Variants in IL1RAP observed in about 807,000 individuals in gnomAD.
IL1RAP encodes the protein interleukin 1 receptor accessory protein.
In IL1RAP, 35 loss-of-function variants were observed where a neutral mutation model predicts 60.7. That is an observed-to-expected ratio of 0.58 (90% CI 0.44 to 0.76). The LOEUF (loss-of-function observed/expected upper bound fraction) is 0.76, where lower values mean the gene tolerates loss of function less well. Among genes scored for constraint, IL1RAP ranks in the 30% least tolerant of loss-of-function variants. IL1RAP has a pLI of 0.00. For synonymous variants in IL1RAP, 268 were observed against 250.9 expected, an observed-to-expected ratio of 1.07 and a Z score of -0.64; for missense variants, 572 against 693.9, an observed-to-expected ratio of 0.82 and a Z score of 1.97.
At chr3:190,632,716 G>A (rs555916922) in intron 9 of IL1RAP, among the ~76,000 whole-genome samples, 1 of 152,250 alleles carries the variant, frequency 6.6e-6, no homozygotes, top group East Asian at 1.9e-4. Flanking sequence ...TTTTCTTCTG[G>A]AAGACTGGTA....
rs1734383016 is a variant in IL1RAP at position 190,651,275 on chromosome 3, A to G, written c.*2570A>G. 2 of 956,406 alleles carry G rather than the reference A, an allele frequency of 2.1e-6. No homozygotes were observed. The highest frequency in any genetic ancestry group is 2.5e-6 in the Non-Finnish European group (2 of 803,602). The allele number at this position is 956,406 out of a possible 1,614,324, so 59.2% of individuals were successfully genotyped here. A position where few individuals can be genotyped will look rare whatever the true frequency, so the allele number is the denominator to read the frequency against. ...GTGTCTAATTACAAAATCATATACG[A>G]TTTATTTAATTCTCTTCTGTATTGT... On this transcript the variant is annotated 3_prime_UTR_variant, in exon 12 of 12. Coordinates refer to ENST00000447382, the MANE Select transcript of IL1RAP (RefSeq NM_002182.4).
intron 9 of IL1RAP, among the ~76,000 whole-genome samples, chr3:190,637,843 T>C (rs549944418): frequency 6.6e-6 from 1 of 151,872 alleles, no homozygotes; most frequent in African/African-American, 2.4e-5. Flanking sequence ...GTTTTTTTTT[T>C]ATATATTCTA....
chr3:190,562,693 TCCACACACACAC>T (rs757690381), intron 2 of IL1RAP, among the ~76,000 whole-genome samples: 3 of 68,016 alleles, frequency 4.4e-5, no homozygotes, highest in Admixed American at 4.0e-4. Flanking sequence ...ACATATCTCG[TCCACACACACAC>T]ACACACACAC....
At chr3:190,559,338 T>A (rs1725690541) in intron 2 of IL1RAP, among the ~76,000 whole-genome samples, 2 of 152,194 alleles carry the variant, frequency 1.3e-5, no homozygotes, top group East Asian at 3.8e-4. Context: ...AACTAACTTT[T>A]GGTTTCTTTA....
In IL1RAP at chr3:190,608,993, A is replaced by G. The variant is rs1186223038; in HGVS notation, c.351-2A>G. 1 of 1,608,408 alleles carries G rather than the reference A, an allele frequency of 6.2e-7. No individual in the cohort carries two copies. The highest frequency in any genetic ancestry group is 1.7e-5 in the Admixed American group (1 of 58,894). On this transcript the variant is annotated splice_acceptor_variant, in intron 4 of 11. Coordinates refer to ENST00000447382, the MANE Select transcript of IL1RAP (RefSeq NM_002182.4). LOFTEE classifies it high-confidence loss of function. ...CCATTCATTGTATATTTCTTTTTTCAGGAACACTACATATTGCAGCAAAGT... is the reference window on the plus strand; with the variant it reads ...CCATTCATTGTATATTTCTTTTTTCGGGAACACTACATATTGCAGCAAAGT...
intron 2 of IL1RAP, among the ~76,000 whole-genome samples, chr3:190,559,787 A>G (rs960971488): frequency 2.0e-5 from 3 of 152,192 alleles, no homozygotes; most frequent in Admixed American, 2.0e-4. Flanking sequence ...ATGATACATG[A>G]TACGGTGTAT....
intron 3 of IL1RAP, among the ~76,000 whole-genome samples, chr3:190,601,182 G>A (rs1369075797): frequency 4.0e-5 from 6 of 151,856 alleles, no homozygotes; most frequent in Admixed American, 6.6e-5. Flanking sequence ...ATGGAGTTTC[G>A]CCATGTTGGC....
downstream of IL1RAP, among the ~76,000 whole-genome samples, chr3:190,654,941 G>T (rs1347160822): frequency 1.3e-5 from 2 of 152,086 alleles, no homozygotes; most frequent in Non-Finnish European, 2.9e-5. Flanking sequence ...CATTAGAATC[G>T]AATGGTTTGC....
chr3:190,554,001 C>T (rs1441869009), intron 1 of IL1RAP, among the ~76,000 whole-genome samples: 1 of 138,490 alleles, frequency 7.2e-6, no homozygotes, highest in Non-Finnish European at 1.5e-5. Context: ...GCGGAGCTTG[C>T]AGTGAGCCGA....
intron 2 of IL1RAP, among the ~76,000 whole-genome samples, chr3:190,562,749 CCA>C (rs1194662755): frequency 2.7e-5 from 4 of 145,928 alleles, no homozygotes; most frequent in Non-Finnish European, 4.5e-5. Flanking sequence ...TGCTACATAA[CCA>C]CACACACACA....
At chr3:190,534,087 T>C (rs1268379427) in intron 1 of IL1RAP, among the ~76,000 whole-genome samples, 2 of 151,912 alleles carry the variant, frequency 1.3e-5, no homozygotes, top group Non-Finnish European at 2.9e-5. Context: ...AAGGAAAGAG[T>C]GTTGCAATGC....
chr3:190,529,381 C>A (rs920271369), intron 1 of IL1RAP, among the ~76,000 whole-genome samples: 3 of 149,086 alleles, frequency 2.0e-5, no homozygotes, highest in African/African-American at 7.3e-5. Flanking sequence ...TGGTGAAACC[C>A]CTTCTCTACT....
intron 1 of IL1RAP, among the ~76,000 whole-genome samples, chr3:190,515,971 T>A (rs987513632): frequency 1.3e-5 from 2 of 152,154 alleles, no homozygotes; most frequent in Admixed American, 6.5e-5. Context: ...ATTGGTATTT[T>A]AAAGTTAAAT....
chr3:190,541,946 A>G (rs999947376), intron 1 of IL1RAP, among the ~76,000 whole-genome samples: 1 of 152,148 alleles, frequency 6.6e-6, no homozygotes, highest in Admixed American at 6.5e-5. Context: ...GAGAAAAACA[A>G]CTTTAAAACC....
At chr3:190,522,617 A>T (rs1341991050) in intron 1 of IL1RAP, among the ~76,000 whole-genome samples, 3 of 149,760 alleles carry the variant, frequency 2.0e-5, no homozygotes, top group South Asian at 2.1e-4. Context: ...TGAATCTCAG[A>T]TGGAGAGGGG....
intron 9 of IL1RAP, among the ~76,000 whole-genome samples, chr3:190,633,797 CTTGA>C (rs755986081): frequency 2.0e-5 from 3 of 152,142 alleles, no homozygotes; most frequent in Non-Finnish European, 4.4e-5. Context: ...TTTCCATATG[CTTGA>C]TTGTGTCACC....
rs184288383 is a variant in IL1RAP, at chr3:190,571,472, C to T, written c.64+7119C>T. Among the ~76,000 whole-genome samples the T allele has an allele frequency of 4.6e-3, 698 of 152,116 alleles. 8 individuals carry two copies. The highest frequency in any genetic ancestry group is 8.0e-3 in the Non-Finnish European group (544 of 68,006). ...TAAAGGCTAAAATGAGCTGTGATCA[C>T]GCCACTGCACTCCAGCCTGGGCGAC... is the stretch of plus-strand genomic sequence containing the variant. On this transcript the variant is annotated intron_variant, in intron 3 of 11. Transcript: ENST00000447382.
At position 190,564,750 on chromosome 3, in the gene IL1RAP, T is replaced by A. The variant is rs533462369; in HGVS notation, c.64+397T>A. On this transcript the variant is annotated intron_variant, in intron 3 of 11. Coordinates refer to ENST00000447382, the MANE Select transcript of IL1RAP (RefSeq NM_002182.4). ...TATCAGTGGTAATAATCCATTGAGA[T>A]GTTAAATAAAATAATGAGTTTTTGT... 6 of 195,496 alleles carry A rather than the reference T, an allele frequency of 3.1e-5. No homozygotes were observed. The South Asian group carries it at 5.9e-4, about 19-fold the overall frequency. The allele number at this position is 195,496 out of a possible 1,614,324, so 12.1% of individuals were successfully genotyped here.
intron 1 of IL1RAP, among the ~76,000 whole-genome samples, chr3:190,530,313 A>C (rs183663145): frequency 6.6e-6 from 1 of 152,268 alleles, no homozygotes; most frequent in Admixed American, 6.5e-5. Context: ...AATATTCTCG[A>C]GTAAGGGAGG....
Sources: allele counts gnomAD v4.1 joint callset (sites outside exome capture counted in the v4.1 genomes callset), GRCh38; gene constraint gnomAD v4.1.1; transcripts MANE v1.5; gene names NCBI Gene and HGNC (gene_info 2026-07-23, HGNC 2026-07-21).